The following TNIK variants were observed in gnomAD, a reference collection of about 807,000 sequenced individuals.
TNIK encodes TRAF2 and NCK interacting kinase.
A neutral mutation model predicts 191.3 loss-of-function variants in TNIK; 49 were observed. The ratio of observed to expected loss-of-function variants is 0.26; its 90% CI spans 0.20 to 0.32. TNIK has a LOEUF of 0.32. TNIK is among the 10% of genes least tolerant of loss of function. The pLI is 1.00. For synonymous variants in TNIK, 594 were observed against 600.9 expected, an observed-to-expected ratio of 0.99 and a Z score of 0.17; for missense variants, 1,155 against 1,702.3, an observed-to-expected ratio of 0.68 and a Z score of 5.66.
chr3:171,455,301 T>G (rs2108741077), intron 1 of TNIK, among the ~76,000 whole-genome samples: 1 of 152,232 alleles, frequency 6.6e-6, no homozygotes, highest in South Asian at 2.1e-4. Context: ...TCACTGAGGC[T>G]GGAGTGCCGT....
chr3:171,415,973 CAAAAAAAAAAAAAA>C (rs769531813), intron 1 of TNIK, among the ~76,000 whole-genome samples: 61 of 12,598 alleles, frequency 4.8e-3, no homozygotes, highest in Non-Finnish European at 6.7e-3. Context: ...GAGACTGTCT[CAAAAAAAAAAAAAA>C]AAAAAAAAAA....
chr3:171,201,806 A>G (rs1022922076), intron 4 of TNIK, among the ~76,000 whole-genome samples: 14 of 152,284 alleles, frequency 9.2e-5, no homozygotes, highest in African/African-American at 3.4e-4. Context: ...TGTACTATCT[A>G]TCTATCTATA....
chr3:171,163,571 A>G (rs763926722), intron 10 of TNIK, among the ~76,000 whole-genome samples: 10 of 152,214 alleles, frequency 6.6e-5, no homozygotes, highest in Non-Finnish European at 1.3e-4. Context: ...ACTTATTTTT[A>G]AAATATTAGT....
At chr3:171,224,258 T>C (rs868544168) in intron 3 of TNIK, among the ~76,000 whole-genome samples, 5 of 152,172 alleles carry the variant, frequency 3.3e-5, no homozygotes, top group South Asian at 2.1e-4. Context: ...AAATTCCCTT[T>C]TCAGCTTCAT....
intron 2 of TNIK, among the ~76,000 whole-genome samples, chr3:171,259,752 C>A (rs771651282): frequency 6.6e-6 from 1 of 152,158 alleles, no homozygotes; most frequent in East Asian, 1.9e-4. Context: ...TTTATAATAT[C>A]ATGGAATCAT....
intron 22 of TNIK, among the ~76,000 whole-genome samples, chr3:171,100,020 A>G (rs1723247206): frequency 6.6e-6 from 1 of 152,230 alleles, no homozygotes; most frequent in African/African-American, 2.4e-5. Context: ...AACTTATCAG[A>G]TCTCTTAAAG....
intron 2 of TNIK, among the ~76,000 whole-genome samples, chr3:171,308,635 A>T (rs150692433): frequency 0.019 from 2,832 of 152,296 alleles, 53 homozygotes; most frequent in Non-Finnish European, 0.025. Context: ...ATGGAATGGG[A>T]CAAAATATTT....
intron 2 of TNIK, among the ~76,000 whole-genome samples, chr3:171,282,334 G>GTTGTTTTTTTTTTTTTTT (rs1750527889): frequency 8.7e-6 from 1 of 114,524 alleles, no homozygotes; most frequent in African/African-American, 3.5e-5. Context: ...TCTCTTAATG[G>GTTGTTTTTTTTTTTTTTT]TTTTTTGTTT....
At chr3:171,224,876 A>C (rs1364013566) in intron 3 of TNIK, among the ~76,000 whole-genome samples, 1 of 152,218 alleles carries the variant, frequency 6.6e-6, no homozygotes, top group Non-Finnish European at 1.5e-5. Context: ...ACAAATTCTG[A>C]AGCAAATGTT....
Position 171,439,785 on chromosome 3 carries a change from C to T in TNIK, c.57+20222G>A, listed in dbSNP as rs73048572. Among the ~76,000 whole-genome samples the T allele has an allele frequency of 8.5e-3, 1,291 of 152,292 alleles. 16 individuals carry two copies. Among genetic ancestry groups the T allele is most frequent in the African/African-American group, 0.029 (1,205 of 41,550 alleles). Reference sequence around the variant, plus strand: ...ACCAAATCCTGGACCACAAATTCCTCGCTGAAAGTCTTGCCCTAACCAAGG... The same window carrying T: ...ACCAAATCCTGGACCACAAATTCCTTGCTGAAAGTCTTGCCCTAACCAAGG... On this transcript the variant is annotated intron_variant, in intron 1 of 32. Coordinates refer to ENST00000436636, the MANE Select transcript of TNIK (RefSeq NM_015028.4).
intron 2 of TNIK, chr3:171,346,907 C>A: frequency 2.5e-6 from 1 of 402,304 alleles, no homozygotes; most frequent in East Asian, 4.2e-5. Context: ...GGAAATCATT[C>A]AAAAGGTTTT....
At chr3:171,065,076 G>A (rs1031500156) in intron 32 of TNIK, among the ~76,000 whole-genome samples, 4 of 152,210 alleles carry the variant, frequency 2.6e-5, no homozygotes, top group African/African-American at 9.7e-5. Flanking sequence ...AACTGGTGTG[G>A]CCCCAGCCTA....
chr3:171,205,002 A>C (rs140132927), intron 4 of TNIK, among the ~76,000 whole-genome samples: 1 of 152,226 alleles, frequency 6.6e-6, no homozygotes, highest in Non-Finnish European at 1.5e-5. Context: ...GAATGGCTGC[A>C]AAAATCTAAT....
At chr3:171,392,413 A>G (rs1719655549) in intron 1 of TNIK, among the ~76,000 whole-genome samples, 1 of 152,210 alleles carries the variant, frequency 6.6e-6, no homozygotes, top group African/African-American at 2.4e-5. Context: ...ATTAATGTGT[A>G]GCACTTTCAG....
rs1715696871 is a variant in TNIK at position 171,366,132 on chromosome 3, A to G, written c.123+3488T>C. Among the ~76,000 whole-genome samples, 3 of 152,350 alleles carry G rather than the reference A, an allele frequency of 2.0e-5. No homozygotes were observed. In the South Asian group the frequency reaches 6.2e-4, roughly 32 times the overall value. On this transcript the variant is annotated intron_variant, in intron 2 of 32. Coordinates refer to ENST00000436636, the MANE Select transcript of TNIK (RefSeq NM_015028.4). The surrounding 1 kb of genome is among the most constrained non-coding windows in gnomAD (Gnocchi z 4.1). Reference sequence around the variant, plus strand: ...ATGCCAATAAACAGCCAAGACCTTTAGTAAATGGGTATGTGGCCTTTTGTT... The same window carrying G: ...ATGCCAATAAACAGCCAAGACCTTTGGTAAATGGGTATGTGGCCTTTTGTT...
At chr3:171,347,287 ACT>A (rs1559955625) in intron 2 of TNIK, 7 of 1,479,660 alleles carry the variant, frequency 4.7e-6, no homozygotes, top group South Asian at 1.3e-5. Flanking sequence ...CATAGAGCAC[ACT>A]CTCTTCTCTT....
At chr3:171,184,432 A>T (rs1249401890) in intron 7 of TNIK, among the ~76,000 whole-genome samples, 1 of 152,248 alleles carries the variant, frequency 6.6e-6, no homozygotes, top group Non-Finnish European at 1.5e-5. Flanking sequence ...CCTGGGTATC[A>T]GCATGTTGCG....
rs1274132381 is a variant in TNIK at position 171,101,538 on chromosome 3, C to T, written c.2502G>A (p.Glu834=). 1 of 1,613,574 alleles carries T rather than the reference C, an allele frequency of 6.2e-7. No homozygotes were observed. Among genetic ancestry groups the T allele is most frequent in the East Asian group, 2.2e-5 (1 of 44,886 alleles). The change falls in exon 22 of 33, where the codon GAG becomes GAA. Residue 834 remains glutamate, a synonymous_variant. Coordinates refer to ENST00000436636, the MANE Select transcript of TNIK (RefSeq NM_015028.4). The stretch of plus-strand genomic sequence containing the variant: ...CCTCTTCCTCGCTACTTTCTGACTC[C>T]TCACTGGAGGAGGAGTAATCAGTCA... ...KKVTDYSSSS[E]ESESSEEEEE...
chr3:171,165,380 G>C (rs1169409303), intron 10 of TNIK, among the ~76,000 whole-genome samples: 1 of 136,536 alleles, frequency 7.3e-6, no homozygotes, highest in Non-Finnish European at 1.5e-5. Flanking sequence ...CCAGGAGTTT[G>C]AGACCAGCCT....
Sources: allele counts gnomAD v4.1 joint callset (sites outside exome capture counted in the v4.1 genomes callset), GRCh38; gene constraint gnomAD v4.1.1; non-coding constraint Gnocchi (gnomAD v3.1); transcripts MANE v1.5; gene names NCBI Gene and HGNC (gene_info 2026-07-23, HGNC 2026-07-21).